P2RX7: variants seen among roughly 807,000 people sequenced by gnomAD.
P2RX7 encodes purinergic receptor P2X 7.
In P2RX7, 62 loss-of-function variants were observed where a neutral mutation model predicts 71.6. The observed-to-expected ratio is 0.87, with a 90% CI of 0.71 to 1.07. P2RX7 has a LOEUF of 1.07. Among genes scored for constraint, P2RX7 ranks in the 50% least tolerant of loss-of-function variants. The pLI is 0.00. For missense variants in P2RX7, 686 were observed against 748.5 expected (o/e 0.92, Z 0.97); for synonymous variants, 299 against 283.3 (o/e 1.06, Z -0.56).
rs1197086771 is a variant in P2RX7 at position 121,187,700 on chromosome 12, A to ACAGTGGGGCAGACAGG, written c.*2900_*2901insGTGGGGCAGACAGGCA. ...GTGTGTAATATGTCAGACACGTCCT[A>ACAGTGGGGCAGACAGG]CAATAACAGGCGTCATATTTGTATT... On this transcript the variant is annotated 3_prime_UTR_variant, in exon 13 of 13. Coordinates refer to ENST00000328963, the MANE Select transcript of P2RX7 (RefSeq NM_002562.6). 14 of 152,230 alleles carry ACAGTGGGGCAGACAGG rather than the reference A, an allele frequency of 9.2e-5. No individual in the cohort carries two copies. Among genetic ancestry groups the ACAGTGGGGCAGACAGG allele is most frequent in the Non-Finnish European group, 1.6e-4 (11 of 68,032 alleles). The allele number at this position is 152,230 out of a possible 1,614,324, so 9.4% of individuals were successfully genotyped here. A position where few individuals can be genotyped will look rare whatever the true frequency, so the allele number is the denominator to read the frequency against.
At chr12:121,138,100 T>A (rs1285474090) in intron 1 of P2RX7, among the ~76,000 whole-genome samples, 9 of 152,176 alleles carry the variant, frequency 5.9e-5, no homozygotes, top group Admixed American at 5.9e-4. Flanking sequence ...GTTTGGGCAG[T>A]AAGTGACAGA....
At chr12:121,172,640 A>G (rs764877686) in intron 8 of P2RX7, among the ~76,000 whole-genome samples, 1 of 151,626 alleles carries the variant, frequency 6.6e-6, no homozygotes, top group Non-Finnish European at 1.5e-5. Flanking sequence ...CAAAAAAAAC[A>G]AAAACAAACA....
intron 1 of P2RX7, among the ~76,000 whole-genome samples, chr12:121,138,371 G>T (rs1010615244): frequency 6.6e-6 from 1 of 152,224 alleles, no homozygotes; most frequent in East Asian, 1.9e-4. Context: ...TTTCCTGATA[G>T]CTCTGCTAAG....
chr12:121,163,658 A>C (rs1880385067), intron 5 of P2RX7, among the ~76,000 whole-genome samples: 2 of 151,500 alleles, frequency 1.3e-5, no homozygotes, highest in African/African-American at 4.9e-5. Context: ...GAGTTTTGCT[A>C]TGTTGCCCAG....
intron 5 of P2RX7, among the ~76,000 whole-genome samples, chr12:121,165,015 C>G (rs1379691641): frequency 6.6e-6 from 1 of 152,118 alleles, no homozygotes; most frequent in Non-Finnish European, 1.5e-5. Flanking sequence ...AACTCACTCA[C>G]TATCACAAGA....
At chr12:121,178,529 C>T (rs572254817) in intron 11 of P2RX7, among the ~76,000 whole-genome samples, 57 of 152,294 alleles carry the variant, frequency 3.7e-4, no homozygotes, top group African/African-American at 1.2e-3. Context: ...CAGTGGCTCA[C>T]GCCTATAATC....
chr12:121,162,224 T>G, intron 4 of P2RX7, 200 bp from the exon 5 acceptor site: 1 of 1,369,002 alleles, frequency 7.3e-7, no homozygotes, highest in Non-Finnish European at 9.4e-7. Flanking sequence ...TCTCTGATCT[T>G]TATTATGTTT....
At chr12:121,161,929 G>C (rs1879813554) in intron 4 of P2RX7, among the ~76,000 whole-genome samples, 1 of 151,342 alleles carries the variant, frequency 6.6e-6, no homozygotes, top group Non-Finnish European at 1.5e-5. Context: ...ATGTGTATTT[G>C]AGTTAGTATA....
Position 121,186,834 on chromosome 12 carries a change from C to T in P2RX7, c.*2032C>T, listed in dbSNP as rs1223228395. ...GCAATAAGCCGAGATAGTGCCACTG[C>T]ACTCCAGCCTAGATAACAGAGCAAG... On this transcript the variant is annotated 3_prime_UTR_variant, in exon 13 of 13. Coordinates refer to ENST00000328963, the MANE Select transcript of P2RX7 (RefSeq NM_002562.6). 2 of 152,242 alleles carry T rather than the reference C, an allele frequency of 1.3e-5. No individual in the cohort carries two copies. Among genetic ancestry groups the T allele is most frequent in the Admixed American group, 6.5e-5 (1 of 15,268 alleles). The allele number at this position is 152,242 out of a possible 1,614,324, so 9.4% of individuals were successfully genotyped here.
intron 1 of P2RX7, among the ~76,000 whole-genome samples, chr12:121,137,557 A>G (rs1421747885): frequency 6.6e-6 from 1 of 152,226 alleles, no homozygotes; most frequent in East Asian, 1.9e-4. Context: ...AAAAACTATC[A>G]CCAGCTTTGC....
Position 121,175,426 on chromosome 12 carries a change from G to A in P2RX7, c.920G>A (p.Arg307Gln), listed in dbSNP as rs28360457. The A allele has an allele frequency of 0.013, 21,512 of 1,599,356 alleles. 197 individuals carry two copies. Among genetic ancestry groups the A allele is most frequent in the Non-Finnish European group, 0.016 (18,883 of 1,166,764 alleles). The change falls in exon 9 of 13, where the codon CGG (arginine) becomes CAG (glutamine). Residue 307 changes from arginine (R) to glutamine (Q), a missense_variant. Coordinates refer to ENST00000328963, the MANE Select transcript of P2RX7 (RefSeq NM_002562.6). ...KYYKENNVEK[R>Q]TLIKVFGIRF... is the part of the protein sequence containing the mutation. ...TACAAGGAAAACAATGTTGAGAAAC[G>A]GACTCTGATAAAAGTCTTCGGGATC...
intron 5 of P2RX7, among the ~76,000 whole-genome samples, chr12:121,164,963 G>A (rs796533799): frequency 7.9e-5 from 12 of 152,160 alleles, no homozygotes; most frequent in African/African-American, 2.2e-4. Context: ...GGCGGGTTTC[G>A]GGGGATGTGC....
At chr12:121,165,016 T>C (rs1417770486) in intron 5 of P2RX7, among the ~76,000 whole-genome samples, 1 of 152,060 alleles carries the variant, frequency 6.6e-6, no homozygotes, top group Admixed American at 6.5e-5. Flanking sequence ...ACTCACTCAC[T>C]ATCACAAGAA....
chr12:121,177,488 T>G lies in P2RX7; in HGVS notation c.1188+42T>G, dbSNP rs1161686994. 5 of 1,584,046 alleles carry G rather than the reference T, an allele frequency of 3.2e-6. No homozygotes were observed. In the African/African-American group the frequency reaches 6.7e-5, roughly 21 times the overall value. The stretch of plus-strand genomic sequence containing the variant: ...CACAGGACACCAAGACATGGAGAGA[T>G]TCCATGAAATCACTCAGAAATGCAC... On this transcript the variant is annotated intron_variant, in intron 11 of 12. Transcript: ENST00000328963.
chr12:121,153,729 G>A (rs973164976), intron 1 of P2RX7, among the ~76,000 whole-genome samples: 4 of 151,854 alleles, frequency 2.6e-5, no homozygotes, highest in East Asian at 1.9e-4. Context: ...GGCGCATGCC[G>A]GTAATCCTGG....
intron 3 of P2RX7, among the ~76,000 whole-genome samples, chr12:121,159,733 T>A (rs1231912235): frequency 1.3e-5 from 2 of 152,134 alleles, no homozygotes; most frequent in Non-Finnish European, 2.9e-5. Flanking sequence ...CCGTGTTCTG[T>A]CCTTCAGCCC....
chr12:121,163,327 TAC>T (rs113687409), intron 5 of P2RX7, among the ~76,000 whole-genome samples: 1,550 of 145,024 alleles, frequency 0.011, 9 homozygotes, highest in African/African-American at 0.022. Context: ...ATGCCTGGCT[TAC>T]ACACACACAC....
intron 8 of P2RX7, among the ~76,000 whole-genome samples, chr12:121,172,230 G>A (rs901970641): frequency 1.4e-4 from 21 of 152,164 alleles, no homozygotes; most frequent in African/African-American, 3.6e-4. Context: ...AGAAATTCAC[G>A]TGCTTACTAC....
rs751355033 is a variant in P2RX7, at chr12:121,169,696, G to A, written c.881+2072G>A. Among the ~76,000 whole-genome samples, 8 of 152,032 alleles carry A rather than the reference G, an allele frequency of 5.3e-5. No homozygotes were observed. In the East Asian group the frequency reaches 9.6e-4, roughly 18 times the overall value. On this transcript the variant is annotated intron_variant, in intron 8 of 12. Transcript: ENST00000328963. ...CAAGGTGGGAGGATCACTTGAACCCGGGGGTTTGAGGCTAGCCTGGGCAAC... is the reference window on the plus strand; with the variant it reads ...CAAGGTGGGAGGATCACTTGAACCCAGGGGTTTGAGGCTAGCCTGGGCAAC...
Sources: gnomAD v4.1 joint callset for allele counts (sites outside exome capture counted in the v4.1 genomes callset) on GRCh38, gnomAD v4.1.1 for gene constraint, MANE v1.5 for transcripts, NCBI Gene and HGNC (gene_info 2026-07-23, HGNC 2026-07-21) for gene names.